The following ZFAND3 variants were observed in gnomAD, a reference collection of about 807,000 sequenced individuals.
ZFAND3 encodes AN1-type zinc finger protein 3.
ZFAND3 carries 10 observed loss-of-function variants against 29.6 expected under a neutral mutation model. The ratio of observed to expected loss-of-function variants is 0.34; its 90% confidence interval spans 0.21 to 0.57. The LOEUF is 0.57. Among genes scored for constraint, ZFAND3 ranks in the 20% least tolerant of loss-of-function variants. ZFAND3 has a pLI of 0.86. For missense variants in ZFAND3, 230 were observed against 304.5 expected (o/e 0.76, Z 1.82); for synonymous variants, 128 against 112.6 (o/e 1.14, Z -0.87).
At chr6:38,079,315 T>C (rs1296786419) in intron 3 of ZFAND3, among the ~76,000 whole-genome samples, 1 of 152,200 alleles carries the variant, frequency 6.6e-6, no homozygotes, top group Non-Finnish European at 1.5e-5. Flanking sequence ...ATTTGTACTT[T>C]ACTGTAATAT....
chr6:38,051,199 C>A (rs1478303706), intron 2 of ZFAND3, among the ~76,000 whole-genome samples: 3 of 152,138 alleles, frequency 2.0e-5, no homozygotes, highest in Non-Finnish European at 4.4e-5. Context: ...CCATCCTCTC[C>A]CTCAAAAGAG....
chr6:37,821,314 C>T (rs1395696379), intron 1 of ZFAND3, among the ~76,000 whole-genome samples: 1 of 152,136 alleles, frequency 6.6e-6, no homozygotes, highest in African/African-American at 2.4e-5. Flanking sequence ...AAAAATTTCC[C>T]TGTGGAAGGA....
At chr6:37,839,547 G>A (rs1337245423) in intron 1 of ZFAND3, among the ~76,000 whole-genome samples, 13 of 125,712 alleles carry the variant, frequency 1.0e-4, no homozygotes, top group Non-Finnish European at 1.8e-4. Context: ...ATGGAGTCTC[G>A]CTCTGTCGCC....
rs1274615124 is a variant in ZFAND3, at chr6:37,982,541, G to A, written c.112+52542G>A. 3.3e-5 allele frequency among the ~76,000 whole-genome samples: 5 copies of A among 152,208 alleles called. No individual in the cohort carries two copies. The East Asian group carries it at 9.7e-4, about 29-fold the overall frequency. ...ACTGAAAAAACTCCTATTGCCTAGT[G>A]ACGTGGTAGCCATCCTAACACAATA... On this transcript the variant is annotated intron_variant, in intron 2 of 5. Transcript: ENST00000287218.
At position 38,061,446 on chromosome 6, in the gene ZFAND3, G is replaced by C. The variant is rs529078751; in HGVS notation, c.113-147G>C. 3.1e-4 allele frequency: 292 copies of C among 951,906 alleles called. 3 individuals are homozygous for C. The South Asian group carries it at 5.0e-3, about 16-fold the overall frequency. The allele number at this position is 951,906 out of a possible 1,614,324, so 59.0% of individuals were successfully genotyped here. A position where few individuals can be genotyped will look rare whatever the true frequency, so the allele number is the denominator to read the frequency against. On this transcript the variant is annotated intron_variant, in intron 2 of 5. Transcript: ENST00000287218. The stretch of plus-strand genomic sequence containing the variant: ...CACTAATCTTAAACGTTTTTGACCA[G>C]TGTTTTACTCCCATGGTTTTTTAGT...
In ZFAND3 at chr6:37,832,877, G is replaced by A. The variant is rs12203850; in HGVS notation, c.71+12861G>A. 1,252 of 152,284 alleles carry A rather than the reference G, an allele frequency of 8.2e-3. 6 individuals carry two copies. The highest frequency in any genetic ancestry group is 0.013 in the Non-Finnish European group (898 of 68,132). 9.4% of individuals were successfully genotyped at this position (152,284 alleles called of 1,614,324 possible). On this transcript the variant is annotated intron_variant, in intron 1 of 5. Coordinates refer to ENST00000287218, the MANE Select transcript of ZFAND3 (RefSeq NM_021943.3). ...TTTTTCTTTTTTTTTTGTAGAGATGGGGGTCTGTCTCTGTTTCTCAAGCTG... is the reference window on the plus strand; with the variant it reads ...TTTTTCTTTTTTTTTTGTAGAGATGAGGGTCTGTCTCTGTTTCTCAAGCTG...
chr6:38,102,867 C>T lies in ZFAND3; in HGVS notation c.362-13705C>T, dbSNP rs563706570. ...CGCCTCCTGGGTTCAAGCAATTCTC[C>T]TGCCTCAGCCTCTGGAGTAGCTGGG... is the stretch of plus-strand genomic sequence containing the variant. On this transcript the variant is annotated intron_variant, in intron 4 of 5. Transcript: ENST00000287218. Among the ~76,000 whole-genome samples, 125 of 152,270 alleles carry T rather than the reference C, an allele frequency of 8.2e-4. 1 individual carries two copies. The highest frequency in any genetic ancestry group is 1.5e-3 in the Non-Finnish European group (99 of 68,012).
chr6:37,885,613 T>A (rs946668848), intron 1 of ZFAND3, among the ~76,000 whole-genome samples: 1 of 151,978 alleles, frequency 6.6e-6, no homozygotes, highest in Non-Finnish European at 1.5e-5. Flanking sequence ...CACTGCACTC[T>A]AGCCTGGCTG....
At chr6:38,010,137 G>T (rs1055148884) in intron 2 of ZFAND3, among the ~76,000 whole-genome samples, 2 of 152,202 alleles carry the variant, frequency 1.3e-5, no homozygotes, top group Non-Finnish European at 2.9e-5. Context: ...AGTTATTCCA[G>T]CTCAGGGTGC....
intron 1 of ZFAND3, among the ~76,000 whole-genome samples, chr6:37,917,485 T>C (rs759987882): frequency 4.6e-5 from 7 of 152,212 alleles, no homozygotes; most frequent in Non-Finnish European, 7.3e-5. Flanking sequence ...CAATGAAATA[T>C]GATACACAAA....
At chr6:38,077,062 A>G (rs1764568236) in intron 3 of ZFAND3, among the ~76,000 whole-genome samples, 1 of 152,008 alleles carries the variant, frequency 6.6e-6, no homozygotes, top group Non-Finnish European at 1.5e-5. Flanking sequence ...ATCAGGAAAC[A>G]GTGCAGTTTG....
chr6:38,118,716 C>T (rs1454820931), intron 5 of ZFAND3, among the ~76,000 whole-genome samples: 4 of 147,860 alleles, frequency 2.7e-5, no homozygotes, highest in Non-Finnish European at 4.4e-5. Flanking sequence ...TCAGCTTTGA[C>T]GCAGACTACC....
intron 2 of ZFAND3, among the ~76,000 whole-genome samples, chr6:37,987,683 A>G (rs1264714364): frequency 4.6e-5 from 7 of 152,172 alleles, no homozygotes; most frequent in Admixed American, 4.6e-4. Flanking sequence ...TCTGCCACAG[A>G]ATTTCTGAGA....
At chr6:37,923,040 G>GTA (rs1416344766) in intron 1 of ZFAND3, among the ~76,000 whole-genome samples, 1 of 152,072 alleles carries the variant, frequency 6.6e-6, no homozygotes, top group African/African-American at 2.4e-5. Context: ...TGACTCTTTT[G>GTA]TAATCACACT....
chr6:38,011,855 T>C (rs1561965615), intron 2 of ZFAND3, among the ~76,000 whole-genome samples: 2 of 152,222 alleles, frequency 1.3e-5, no homozygotes, highest in African/African-American at 2.4e-5. Flanking sequence ...TAAAACTTCA[T>C]GTAAATCTTT....
At position 38,091,163 on chromosome 6, in the gene ZFAND3, C is replaced by T. The variant is rs142991743; in HGVS notation, c.361+8706C>T. Among the ~76,000 whole-genome samples, 12 of 152,282 alleles carry T rather than the reference C, an allele frequency of 7.9e-5. No individual in the cohort carries two copies. In the East Asian group the frequency reaches 2.3e-3, roughly 29 times the overall value. Reference sequence around the variant, plus strand: ...ACTCTAGTATAAAAACGAAGGGAAGCGTCATGTGGCTTGTTGCTCTTTTGG... The same window carrying T: ...ACTCTAGTATAAAAACGAAGGGAAGTGTCATGTGGCTTGTTGCTCTTTTGG... On this transcript the variant is annotated intron_variant, in intron 4 of 5. Transcript: ENST00000287218.
At chr6:38,076,373 A>G (rs7765420) in intron 3 of ZFAND3, among the ~76,000 whole-genome samples, 140,350 of 152,072 alleles carry the variant, frequency 0.92, 65,534 homozygotes, top group East Asian at 1. Flanking sequence ...GCTTTATTAC[A>G]GTGGTCTGGA....
At chr6:37,929,792 AG>A (rs1192700345) in intron 1 of ZFAND3, among the ~76,000 whole-genome samples, 166 bp from the exon 2 acceptor site, 2 of 148,666 alleles carry the variant, frequency 1.3e-5, no homozygotes, top group African/African-American at 2.5e-5. Flanking sequence ...TATTTTGTTG[AG>A]GGGGGAGTGG....
At chr6:37,891,168 G>A (rs1217603985) in intron 1 of ZFAND3, among the ~76,000 whole-genome samples, 1 of 151,958 alleles carries the variant, frequency 6.6e-6, no homozygotes, top group Non-Finnish European at 1.5e-5. Flanking sequence ...TACAATACGT[G>A]GTCTTTTGTG....
Sources: allele counts gnomAD v4.1 joint callset (sites outside exome capture counted in the v4.1 genomes callset), GRCh38; gene constraint gnomAD v4.1.1; transcripts MANE v1.5; gene names NCBI Gene and HGNC (gene_info 2026-07-23, HGNC 2026-07-21).